The following PCDHGA1 variants were observed in gnomAD, a reference collection of about 807,000 sequenced individuals.
PCDHGA1 encodes protocadherin gamma subfamily A, 1.
In PCDHGA1, 32 loss-of-function variants were observed where a neutral mutation model predicts 58.0. The ratio of observed to expected loss-of-function variants is 0.55; its 90% CI spans 0.42 to 0.74. PCDHGA1 has a LOEUF of 0.74. PCDHGA1 is among the 30% of genes least tolerant of loss of function. The probability of loss-of-function intolerance (pLI) is 0.00; values close to 1 mark genes in which losing one functional copy is unlikely to be tolerated. For missense variants in PCDHGA1, 1,205 were observed against 1,182.3 expected (o/e 1.02, Z -0.28); for synonymous variants, 498 against 501.1 (o/e 0.99, Z 0.08).
chr5:141,403,598 G>A (rs2094431142), intron 1 of PCDHGA1: 1 of 1,613,702 alleles, frequency 6.2e-7, no homozygotes, highest in Non-Finnish European at 8.5e-7. Flanking sequence ...CACGGCCTCG[G>A]ATGGCGGCGA....
Position 141,487,070 on chromosome 5 carries a change from C to A in PCDHGA1, c.2422-7737C>A, listed in dbSNP as rs1365482479. The A allele has an allele frequency of 6.2e-7, 1 of 1,614,036 alleles. No individual in the cohort carries two copies. The highest frequency in any genetic ancestry group is 8.5e-7 in the Non-Finnish European group (1 of 1,180,016). ...TGCTGGGGAGGTGCGGACGGCTGTT[C>A]CTATCCCAGCTGACCTCCCACCACA... is the stretch of plus-strand genomic sequence containing the variant. On this transcript the variant is annotated intron_variant, in intron 1 of 3. Coordinates refer to ENST00000517417, the MANE Select transcript of PCDHGA1 (RefSeq NM_018912.3). The surrounding 1 kb of genome is among the most constrained non-coding windows in gnomAD (Gnocchi z 5.0).
chr5:141,417,236 A>T (rs1387216221), intron 1 of PCDHGA1: 2 of 152,220 alleles, frequency 1.3e-5, no homozygotes, highest in Admixed American at 1.3e-4. Flanking sequence ...TTTGTTGCTT[A>T]TCTTCAGTAC....
At chr5:141,387,821 A>C (rs2091106896) in intron 1 of PCDHGA1, 3 of 1,577,920 alleles carry the variant, frequency 1.9e-6, no homozygotes, top group Non-Finnish European at 2.6e-6. Context: ...AAAATCTGCA[A>C]TACAGAGGTT....
chr5:141,408,670 T>G, intron 1 of PCDHGA1: 1 of 1,614,008 alleles, frequency 6.2e-7, no homozygotes, highest in Non-Finnish European at 8.5e-7. Context: ...CGCTTGACCC[T>G]GCCACGGATC....
At chr5:141,418,423 T>G (rs1469880702) in intron 1 of PCDHGA1, 1 of 1,613,868 alleles carries the variant, frequency 6.2e-7, no homozygotes. Flanking sequence ...ATCCTGATGG[T>G]GGCAAATATC....
chr5:141,369,135 G>A (rs1312211190), intron 1 of PCDHGA1, among the ~76,000 whole-genome samples: 2 of 152,130 alleles, frequency 1.3e-5, no homozygotes, highest in African/African-American at 4.8e-5. Context: ...CAGAAACATG[G>A]AAAATGGCAT....
At chr5:141,377,620 ATT>A (rs1307213511) in intron 1 of PCDHGA1, 1 of 149,664 alleles carries the variant, frequency 6.7e-6, no homozygotes, top group Non-Finnish European at 1.5e-5. Context: ...AAAAAAAAAG[ATT>A]TTGTTTTTTC....
At position 141,511,260 on chromosome 5, in the gene PCDHGA1, G is replaced by A; in HGVS notation, c.*87G>A. 6.4e-7 allele frequency: 1 copy of A among 1,558,596 alleles called. No individual in the cohort carries two copies. Among genetic ancestry groups the A allele is most frequent in the Non-Finnish European group, 8.7e-7 (1 of 1,151,758 alleles). On this transcript the variant is annotated 3_prime_UTR_variant, in exon 4 of 4. Transcript: ENST00000517417. ...CCTGCACCCAGGCCTCAGAGTTTCA[G>A]GGCTAACCCCCAGAATACTGGTAGG...
At chr5:141,392,870 G>T (rs757363357) in intron 1 of PCDHGA1, 8 of 1,613,226 alleles carry the variant, frequency 5.0e-6, no homozygotes, top group Non-Finnish European at 6.8e-6. Context: ...TGTGCGCGCT[G>T]CTGGGAACGC....
intron 1 of PCDHGA1, chr5:141,352,665 C>G (rs755324921): frequency 6.3e-7 from 1 of 1,587,314 alleles, no homozygotes; most frequent in African/African-American, 1.3e-5. Flanking sequence ...TCTTTGTCTT[C>G]GCACGTGAGT....
chr5:141,475,297 T>C lies in PCDHGA1; in HGVS notation c.2422-19510T>C, dbSNP rs187277570. Among the ~76,000 whole-genome samples the C allele has an allele frequency of 6.5e-4, 99 of 152,360 alleles. 2 individuals are homozygous for C. Among genetic ancestry groups the C allele is most frequent in the African/African-American group, 2.3e-3 (96 of 41,586 alleles). ...TGAAAGACAGGGTAGGGAAATTTCT[T>C]ATTGCTCCCTGGTTCTTAAGAAATG... On this transcript the variant is annotated intron_variant, in intron 1 of 3. Transcript: ENST00000517417.
At chr5:141,342,559 A>T (rs7701092) in intron 1 of PCDHGA1, 1 of 152,210 alleles carries the variant, frequency 6.6e-6, no homozygotes, top group South Asian at 2.1e-4. Context: ...ATTTTCTGAG[A>T]CAAGGTGTTG....
intron 1 of PCDHGA1, 138 bp from the exon 2 acceptor site, chr5:141,494,669 T>A: frequency 6.5e-7 from 1 of 1,527,472 alleles, no homozygotes; most frequent in South Asian, 1.2e-5. Context: ...TGGAGATGAG[T>A]CCACCCCTGC....
At chr5:141,414,457 G>C in intron 1 of PCDHGA1, 2 of 1,613,872 alleles carry the variant, frequency 1.2e-6, no homozygotes, top group Non-Finnish European at 1.7e-6. Flanking sequence ...CACAGTGACA[G>C]CCACAGATGG....
At position 141,450,045 on chromosome 5, in the gene PCDHGA1, C is replaced by T. The variant is rs369046547; in HGVS notation, c.2422-44762C>T. On this transcript the variant is annotated intron_variant, in intron 1 of 3. Transcript: ENST00000517417. Reference sequence around the variant, plus strand: ...TTTTTGAGACAGGGTCTCACTCTTTCGCCCAGGCTGGAATGCAGTGGTATG... The same window carrying T: ...TTTTTGAGACAGGGTCTCACTCTTTTGCCCAGGCTGGAATGCAGTGGTATG... 4.6e-5 allele frequency among the ~76,000 whole-genome samples: 6 copies of T among 129,508 alleles called. No individual in the cohort carries two copies. In the South Asian group the frequency reaches 9.6e-4, roughly 21 times the overall value. 85.0% of individuals were successfully genotyped at this position (129,508 alleles called of 152,430 possible).
intron 1 of PCDHGA1, chr5:141,393,329 C>T: frequency 6.2e-7 from 1 of 1,611,240 alleles, no homozygotes; most frequent in South Asian, 1.1e-5. Flanking sequence ...GCTACCAGCT[C>T]AGCCCCAATC....
intron 1 of PCDHGA1, chr5:141,362,397 G>C (rs778703789): frequency 4.3e-6 from 7 of 1,614,018 alleles, no homozygotes; most frequent in Non-Finnish European, 5.9e-6. Context: ...CCTACAACCT[G>C]TGTGTTGCCT....
At chr5:141,364,551 T>A in intron 1 of PCDHGA1, 1 of 1,614,076 alleles carries the variant, frequency 6.2e-7, no homozygotes, top group South Asian at 1.1e-5. Context: ...AGGACGCAGC[T>A]TTTTGCCCTG....
chr5:141,409,945 T>C (rs777813706), intron 1 of PCDHGA1: 11 of 1,613,312 alleles, frequency 6.8e-6, no homozygotes, highest in Non-Finnish European at 9.3e-6. Flanking sequence ...TACCTCGCTC[T>C]GCAGAGCCCG....
Sources: allele counts gnomAD v4.1 joint callset (sites outside exome capture counted in the v4.1 genomes callset), GRCh38; gene constraint gnomAD v4.1.1; non-coding constraint Gnocchi (gnomAD v3.1); transcripts MANE v1.5; gene names NCBI Gene and HGNC (gene_info 2026-07-23, HGNC 2026-07-21).